Variants in BRINP2 observed in about 807,000 individuals in gnomAD.
BRINP2 encodes BMP/retinoic acid-inducible neural-specific protein 2.
Under a neutral mutation model 69.2 loss-of-function variants are expected in BRINP2, and 21 were observed. The ratio of observed to expected loss-of-function variants is 0.30; its 90% CI spans 0.22 to 0.44. BRINP2 has a LOEUF of 0.44. Among genes scored for constraint, BRINP2 ranks in the 20% least tolerant of loss-of-function variants. The probability of loss-of-function intolerance (pLI) is 1.00; values close to 1 mark genes in which losing one functional copy is unlikely to be tolerated. For missense variants in BRINP2, 877 were observed against 986.0 expected, an observed-to-expected ratio of 0.89 and a Z score of 1.48; for synonymous variants, 380 against 394.1, an observed-to-expected ratio of 0.96 and a Z score of 0.42.
chr1:177,206,146 C>T (rs546550286), intron 1 of BRINP2, among the ~76,000 whole-genome samples: 1 of 152,270 alleles, frequency 6.6e-6, no homozygotes, highest in East Asian at 1.9e-4. Context: ...CATCAACCCA[C>T]CAGCCTTGAC....
intron 2 of BRINP2, among the ~76,000 whole-genome samples, chr1:177,253,882 A>G (rs762974264): frequency 1.3e-5 from 2 of 151,950 alleles, no homozygotes; most frequent in Non-Finnish European, 2.9e-5. Flanking sequence ...TTTGCATTTC[A>G]TGGACATTTG....
chr1:177,264,677 C>T (rs566751516), intron 4 of BRINP2, among the ~76,000 whole-genome samples: 1 of 152,150 alleles, frequency 6.6e-6, no homozygotes, highest in Admixed American at 6.5e-5. Flanking sequence ...GACAAACAGC[C>T]AAATCATGAG....
chr1:177,222,701 A>T (rs893304345), intron 1 of BRINP2, among the ~76,000 whole-genome samples: 2 of 152,070 alleles, frequency 1.3e-5, no homozygotes, highest in Non-Finnish European at 2.9e-5. Flanking sequence ...TATCTTAAAA[A>T]AAAAAAAAGA....
At chr1:177,262,893 G>C (rs959764610) in intron 4 of BRINP2, among the ~76,000 whole-genome samples, 2 of 152,166 alleles carry the variant, frequency 1.3e-5, no homozygotes, top group Admixed American at 1.3e-4. Context: ...CCGCTTCGGT[G>C]GCCATAATTA....
At position 177,230,059 on chromosome 1, in the gene BRINP2, C is replaced by G. The variant is rs962477177; in HGVS notation, c.183C>G (p.Asp61Glu). The G allele has an allele frequency of 3.1e-6, 5 of 1,613,892 alleles. No homozygotes were observed. The highest frequency in any genetic ancestry group is 3.4e-6 in the Non-Finnish European group (4 of 1,180,010). ...GQHPLDWLLT[D>E]RGPFHRAQEY... Reference sequence around the variant, plus strand: ...ATCCCCTGGACTGGCTGCTCACAGACCGGGGCCCCTTCCACCGCGCTCAGG... The same window carrying G: ...ATCCCCTGGACTGGCTGCTCACAGAGCGGGGCCCCTTCCACCGCGCTCAGG... Residue 61 changes from aspartate (D) to glutamate (E), a missense_variant, in exon 2 of 8, where the codon GAC becomes GAG. Transcript: ENST00000361539.
intron 2 of BRINP2, among the ~76,000 whole-genome samples, chr1:177,243,995 T>A (rs1220922251): frequency 6.6e-6 from 1 of 151,972 alleles, no homozygotes; most frequent in Non-Finnish European, 1.5e-5. Flanking sequence ...TGGGAAATTG[T>A]CCATCTGTGA....
At chr1:177,187,845 T>C (rs977098130) in intron 1 of BRINP2, among the ~76,000 whole-genome samples, 47 of 152,178 alleles carry the variant, frequency 3.1e-4, no homozygotes, top group Admixed American at 1.6e-3. Context: ...TTTTTTTCTA[T>C]TTTTGTATAT....
chr1:177,202,686 G>T (rs1483721680), intron 1 of BRINP2, among the ~76,000 whole-genome samples: 6 of 152,120 alleles, frequency 3.9e-5, no homozygotes, highest in African/African-American at 1.2e-4. Flanking sequence ...CTGTTGATTT[G>T]GGGTGGAGAC....
rs146772474 is a variant in BRINP2 at position 177,177,374 on chromosome 1, A to G, written c.-77+5642A>G. Among the ~76,000 whole-genome samples the G allele has an allele frequency of 1.4e-4, 21 of 152,332 alleles. No individual in the cohort carries two copies. In the East Asian group the frequency reaches 3.1e-3, roughly 22 times the overall value. ...AATGGGGAGAAGACACAATAATTGA[A>G]TTTTTAAAAATTACAGATTGGAATA... On this transcript the variant is annotated intron_variant, in intron 1 of 7. Transcript: ENST00000361539.
chr1:177,264,564 G>A (rs937742255), intron 4 of BRINP2, among the ~76,000 whole-genome samples: 2 of 152,148 alleles, frequency 1.3e-5, no homozygotes, highest in Non-Finnish European at 2.9e-5. Context: ...AAACCCCATC[G>A]TCTCAGCCCA....
intron 2 of BRINP2, among the ~76,000 whole-genome samples, chr1:177,242,363 TA>T (rs1431671893): frequency 6.6e-6 from 1 of 152,210 alleles, no homozygotes; most frequent in Non-Finnish European, 1.5e-5. Flanking sequence ...AGTCAATGAA[TA>T]CTGACCCTCT....
chr1:177,190,212 T>A (rs1648547901), intron 1 of BRINP2, among the ~76,000 whole-genome samples: 1 of 152,178 alleles, frequency 6.6e-6, no homozygotes, highest in South Asian at 2.1e-4. Context: ...TCTCCAGACT[T>A]TCAGCGGAAA....
chr1:177,222,433 T>C (rs1477881169), intron 1 of BRINP2, among the ~76,000 whole-genome samples: 2 of 152,238 alleles, frequency 1.3e-5, no homozygotes, highest in African/African-American at 4.8e-5. Flanking sequence ...TGCCTCAGCC[T>C]CCCGAGTGGC....
At chr1:177,182,920 C>A (rs1002968271) in intron 1 of BRINP2, among the ~76,000 whole-genome samples, 12 of 151,972 alleles carry the variant, frequency 7.9e-5, no homozygotes, top group African/African-American at 2.9e-4. Flanking sequence ...AGTTCTTTTT[C>A]TTAAACTTAG....
At chr1:177,228,622 C>T (rs1649772256) in intron 1 of BRINP2, among the ~76,000 whole-genome samples, 1 of 152,182 alleles carries the variant, frequency 6.6e-6, no homozygotes, top group Admixed American at 6.5e-5. Context: ...CCATGAAATA[C>T]AGGTGCTGGA....
chr1:177,280,340 T>C (rs886984592), intron 7 of BRINP2, 72 bp from the exon 8 acceptor site: 1 of 1,424,956 alleles, frequency 7.0e-7, no homozygotes, highest in Non-Finnish European at 9.5e-7. Flanking sequence ...GTCAATGTCT[T>C]GCTGCCCTTA....
At chr1:177,172,431 G>A (rs984780347) in intron 1 of BRINP2, among the ~76,000 whole-genome samples, 2 of 152,118 alleles carry the variant, frequency 1.3e-5, no homozygotes, top group South Asian at 2.1e-4. Flanking sequence ...GTACACTGTC[G>A]AATGCTGCCT....
intron 1 of BRINP2, among the ~76,000 whole-genome samples, chr1:177,228,957 A>C (rs1649781950): frequency 1.3e-5 from 2 of 152,118 alleles, no homozygotes. Flanking sequence ...TTCCTTCAAG[A>C]ATGGTGTGTG....
chr1:177,231,630 C>A (rs1001157105), intron 2 of BRINP2, among the ~76,000 whole-genome samples: 1 of 152,196 alleles, frequency 6.6e-6, no homozygotes, highest in African/African-American at 2.4e-5. Context: ...TCTTAGGAAT[C>A]ACCTACCCAG....
Sources: gnomAD v4.1 joint callset for allele counts (sites outside exome capture counted in the v4.1 genomes callset) on GRCh38, gnomAD v4.1.1 for gene constraint, MANE v1.5 for transcripts, NCBI Gene and HGNC (gene_info 2026-07-23, HGNC 2026-07-21) for gene names.